The following KMO variants were observed in gnomAD, a reference collection of about 807,000 sequenced individuals.
The protein encoded by KMO is kynurenine 3-monooxygenase.
In KMO, 24 loss-of-function variants were observed where a neutral mutation model predicts 57.8. The ratio of observed to expected loss-of-function variants is 0.42; its 90% CI spans 0.30 to 0.58. The LOEUF (loss-of-function observed/expected upper bound fraction) is 0.58, where lower values mean the gene tolerates loss of function less well. Ranked by LOEUF, KMO falls within the 20% of genes least tolerant of loss-of-function variation. KMO has a pLI of 0.22. For synonymous variants in KMO, 210 were observed against 193.6 expected (o/e 1.08, Z -0.70); for missense variants, 483 against 588.2 (o/e 0.82, Z 1.85).
intron 13 of KMO, 22 bp downstream of exon 13, chr1:241,590,135 T>C: frequency 6.2e-7 from 1 of 1,608,922 alleles, no homozygotes; most frequent in Non-Finnish European, 8.5e-7. Context: ...ACTGAAGACT[T>C]TTCCTCATTT....
intron 10 of KMO, among the ~76,000 whole-genome samples, chr1:241,573,646 A>G (rs1458642595): frequency 6.6e-6 from 1 of 152,122 alleles, no homozygotes; most frequent in African/African-American, 2.4e-5. Flanking sequence ...GTCTACTTGT[A>G]TATCAATACC....
chr1:241,541,802 T>A (rs573057594), intron 1 of KMO, among the ~76,000 whole-genome samples: 1 of 152,342 alleles, frequency 6.6e-6, no homozygotes, highest in Admixed American at 6.5e-5. Flanking sequence ...ATTGCATTGA[T>A]ATACCCAAAG....
chr1:241,587,898 T>G (rs1663070899), intron 11 of KMO, among the ~76,000 whole-genome samples: 1 of 152,146 alleles, frequency 6.6e-6, no homozygotes, highest in East Asian at 1.9e-4. Context: ...ATTACATATA[T>G]AAAAGAAGGC....
intron 9 of KMO, among the ~76,000 whole-genome samples, chr1:241,567,268 C>T (rs558619965): frequency 4.5e-4 from 69 of 152,246 alleles, no homozygotes; most frequent in African/African-American, 1.5e-3. Flanking sequence ...ATGTATTGCT[C>T]GCAGTTCTAA....
chr1:241,594,893 C>T lies in KMO; in HGVS notation c.*2740C>T. 1.7e-6 allele frequency: 1 copy of T among 584,270 alleles called. No homozygotes were observed. The highest frequency in any genetic ancestry group is 1.9e-5 in the African/African-American group (1 of 53,706). The allele number at this position is 584,270 out of a possible 1,614,324, so 36.2% of individuals were successfully genotyped here. ...TTTTATTCATTCTAATTCTTATTAA[C>T]CGGAATATGTAGGACCATTTCAATA... On this transcript the variant is annotated 3_prime_UTR_variant, in exon 15 of 15. Coordinates refer to ENST00000366559, the MANE Select transcript of KMO (RefSeq NM_003679.5).
chr1:241,571,429 T>A (rs1279082351), intron 10 of KMO, among the ~76,000 whole-genome samples: 1 of 152,204 alleles, frequency 6.6e-6, no homozygotes, highest in African/African-American at 2.4e-5. Context: ...TGTTGTCATA[T>A]ACAGCTTTTA....
At chr1:241,562,373 G>T (rs776617554) in intron 7 of KMO, 41 bp downstream of exon 7, 1 of 1,600,586 alleles carries the variant, frequency 6.2e-7, no homozygotes, top group African/African-American at 1.3e-5. Flanking sequence ...CACAACCCTT[G>T]CTCCATGAGC....
rs1317219800 is a variant in KMO at position 241,572,826 on chromosome 1, T to A, written c.957+4179T>A. On this transcript the variant is annotated intron_variant, in intron 10 of 14. Coordinates refer to ENST00000366559, the MANE Select transcript of KMO (RefSeq NM_003679.5). ...ACCATTCTGAGTCACCAAAGCCCAT[T>A]ATATTACTCTGCGTTTCTGTACTCA... Among the ~76,000 whole-genome samples the A allele has an allele frequency of 1.5e-3, 231 of 152,198 alleles. 4 individuals are homozygous for A. Among genetic ancestry groups the A allele is most frequent in the African/African-American group, 5.1e-3 (212 of 41,536 alleles).
At chr1:241,555,359 GA>G (rs1317480516) in intron 4 of KMO, among the ~76,000 whole-genome samples, 2 of 152,162 alleles carry the variant, frequency 1.3e-5, no homozygotes, top group African/African-American at 4.8e-5. Context: ...TTAGCTACAA[GA>G]GAAGGATTTG....
rs150217927 is a variant in KMO, at chr1:241,571,673, A to G, written c.957+3026A>G. Among the ~76,000 whole-genome samples, 475 of 151,984 alleles carry G rather than the reference A, an allele frequency of 3.1e-3. 10 individuals carry two copies. Among genetic ancestry groups the G allele is most frequent in the Non-Finnish European group, 3.1e-3 (214 of 67,948 alleles). ...ATGACTGATTTTTAATGTGTTATTG[A>G]ATTTGGTTTGCTTGCATTTTGTTGA... On this transcript the variant is annotated intron_variant, in intron 10 of 14. Transcript: ENST00000366559.
At chr1:241,567,355 A>C (rs1011962405) in intron 9 of KMO, among the ~76,000 whole-genome samples, 1 of 152,218 alleles carries the variant, frequency 6.6e-6, no homozygotes, top group African/African-American at 2.4e-5. Flanking sequence ...CATAGATGAC[A>C]GTCTTTTTAC....
At chr1:241,571,910 A>T (rs147121902) in intron 10 of KMO, among the ~76,000 whole-genome samples, 1 of 120,656 alleles carries the variant, frequency 8.3e-6, no homozygotes, top group African/African-American at 3.1e-5. Context: ...CTCTGTTGCC[A>T]GGCTGGAGTG....
chr1:241,564,054 G>T (rs1661984700), intron 7 of KMO, among the ~76,000 whole-genome samples: 1 of 152,138 alleles, frequency 6.6e-6, no homozygotes, highest in Non-Finnish European at 1.5e-5. Context: ...TTCTGTGTCT[G>T]TGTGTTGGGC....
At chr1:241,589,638 C>T (rs1209580384) in intron 12 of KMO, among the ~76,000 whole-genome samples, 1 of 152,188 alleles carries the variant, frequency 6.6e-6, no homozygotes, top group Non-Finnish European at 1.5e-5. Context: ...TAGCTTTAAA[C>T]AATCTCTTTT....
At chr1:241,585,639 C>T (rs544939851) in intron 10 of KMO, among the ~76,000 whole-genome samples, 2 of 151,714 alleles carry the variant, frequency 1.3e-5, no homozygotes, top group African/African-American at 4.8e-5. Flanking sequence ...CGCCTGTAAT[C>T]CTGGCTACTT....
At chr1:241,573,448 T>A (rs1446732663) in intron 10 of KMO, among the ~76,000 whole-genome samples, 2 of 152,186 alleles carry the variant, frequency 1.3e-5, no homozygotes, top group East Asian at 3.8e-4. Flanking sequence ...AGTTTATTTT[T>A]GTGTAAAGTG....
At chr1:241,585,480 G>A (rs1020303440) in intron 10 of KMO, among the ~76,000 whole-genome samples, 15 of 151,092 alleles carry the variant, frequency 9.9e-5, no homozygotes, top group Admixed American at 2.0e-4. Flanking sequence ...TCTTAAGGCC[G>A]GGCACAGTGG....
intron 4 of KMO, among the ~76,000 whole-genome samples, chr1:241,553,899 C>T (rs1381166369): frequency 6.6e-6 from 1 of 152,066 alleles, no homozygotes; most frequent in South Asian, 2.1e-4. Context: ...ATTTTTACAC[C>T]AAGTATAGAT....
At chr1:241,560,340 G>C (rs894661129) in intron 5 of KMO, among the ~76,000 whole-genome samples, 7 of 152,176 alleles carry the variant, frequency 4.6e-5, no homozygotes, top group Non-Finnish European at 8.8e-5. Flanking sequence ...CGGATTAGAG[G>C]CGACTTCTGA....
Sources: allele counts gnomAD v4.1 joint callset (sites outside exome capture counted in the v4.1 genomes callset), GRCh38; gene constraint gnomAD v4.1.1; transcripts MANE v1.5; gene names NCBI Gene and HGNC (gene_info 2026-07-23, HGNC 2026-07-21).